Variants in PARN observed in about 807,000 individuals in gnomAD.
The protein encoded by PARN is poly(A)-specific ribonuclease, also known as poly(A)-specific ribonuclease PARN.
PARN carries 71 observed loss-of-function variants against 102.8 expected under a neutral mutation model. The ratio of observed to expected loss-of-function variants is 0.69; its 90% CI spans 0.57 to 0.84. The LOEUF (loss-of-function observed/expected upper bound fraction) is 0.84, where lower values mean the gene tolerates loss of function less well. PARN is among the 40% of genes least tolerant of loss of function. The probability of loss-of-function intolerance (pLI) is 0.00; values close to 1 mark genes in which losing one functional copy is unlikely to be tolerated. For missense variants in PARN, 782 were observed against 760.9 expected (o/e 1.03, Z -0.33); for synonymous variants, 261 against 252.9 (o/e 1.03, Z -0.30).
intron 21 of PARN, among the ~76,000 whole-genome samples, chr16:14,520,314 T>C (rs1007821949): frequency 1.3e-5 from 2 of 152,220 alleles, no homozygotes; most frequent in Non-Finnish European, 2.9e-5. Flanking sequence ...TGGAAAAAGA[T>C]AAACTCATGA....
At position 14,533,633 on chromosome 16, in the gene PARN, C is replaced by T. The variant is rs575135132; in HGVS notation, c.1480+18388G>A. On this transcript the variant is annotated intron_variant, in intron 21 of 23. Transcript: ENST00000437198. ...GATGTGCTGGTCCCACAATCCACCA[C>T]AGGTTTCTCAGCCTTCCTCTACTAG... 1.1e-4 allele frequency among the ~76,000 whole-genome samples: 16 copies of T among 152,196 alleles called. 1 individual carries two copies. Among genetic ancestry groups the T allele is most frequent in the Non-Finnish European group, 2.2e-4 (15 of 68,028 alleles).
At chr16:14,540,492 T>C (rs942352377) in intron 21 of PARN, among the ~76,000 whole-genome samples, 3 of 152,124 alleles carry the variant, frequency 2.0e-5, no homozygotes, top group African/African-American at 4.8e-5. Context: ...ATAATACATA[T>C]ATATATCTGA....
chr16:14,472,074 A>T (rs538658571), intron 22 of PARN, among the ~76,000 whole-genome samples: 1 of 152,322 alleles, frequency 6.6e-6, no homozygotes, highest in Middle Eastern at 3.4e-3. Context: ...AAGAGATGTC[A>T]AAGGAAGGAG....
At chr16:14,563,166 C>A (rs1968182341) in intron 18 of PARN, among the ~76,000 whole-genome samples, 1 of 152,172 alleles carries the variant, frequency 6.6e-6, no homozygotes, top group Non-Finnish European at 1.5e-5. Flanking sequence ...AATCTATCTA[C>A]AAAATCACAG....
chr16:14,551,276 T>C (rs1033501951), intron 21 of PARN, among the ~76,000 whole-genome samples: 5 of 151,770 alleles, frequency 3.3e-5, no homozygotes, highest in South Asian at 2.1e-4. Context: ...GTTTATTTGT[T>C]TGTAAAACAA....
chr16:14,483,956 C>T (rs1365602814), intron 21 of PARN, among the ~76,000 whole-genome samples: 3 of 152,206 alleles, frequency 2.0e-5, no homozygotes, highest in Non-Finnish European at 4.4e-5. Context: ...GCAGTGTACA[C>T]TGCACCCAGT....
chr16:14,533,462 AG>A (rs1391746188), intron 21 of PARN, among the ~76,000 whole-genome samples: 1 of 32,368 alleles, frequency 3.1e-5, no homozygotes, highest in African/African-American at 1.5e-4. Context: ...GGAGAGGGAG[AG>A]GGAGAGGGAG....
At chr16:14,523,577 ATCC>A (rs1238609766) in intron 21 of PARN, among the ~76,000 whole-genome samples, 1 of 152,208 alleles carries the variant, frequency 6.6e-6, no homozygotes, top group African/African-American at 2.4e-5. Flanking sequence ...AGAGAAGTCT[ATCC>A]TCCTGCTGAC....
chr16:14,564,596 G>T (rs72787688), intron 18 of PARN, among the ~76,000 whole-genome samples: 33,661 of 152,092 alleles, frequency 0.22, 4,161 homozygotes, highest in Middle Eastern at 0.32. Flanking sequence ...CAGAGGTGTA[G>T]GGACACAGAG....
At chr16:14,465,024 T>C (rs1224840350) in intron 22 of PARN, among the ~76,000 whole-genome samples, 1 of 152,178 alleles carries the variant, frequency 6.6e-6, no homozygotes, top group Non-Finnish European at 1.5e-5. Flanking sequence ...CACAAAGGAA[T>C]GAGGAAATAC....
intron 18 of PARN, among the ~76,000 whole-genome samples, chr16:14,579,437 G>C (rs568746847): frequency 1.3e-5 from 2 of 152,168 alleles, no homozygotes; most frequent in Admixed American, 1.3e-4. Context: ...TATTTACAGC[G>C]TGTAAATATT....
intron 13 of PARN, among the ~76,000 whole-genome samples, chr16:14,588,398 C>T (rs763340857): frequency 1.7e-4 from 26 of 152,154 alleles, no homozygotes; most frequent in Non-Finnish European, 3.1e-4. Context: ...GAATTTTCAG[C>T]AGGGTCAGTG....
At chr16:14,482,272 G>A (rs1039103736) in intron 22 of PARN, among the ~76,000 whole-genome samples, 4 of 152,082 alleles carry the variant, frequency 2.6e-5, no homozygotes, top group African/African-American at 9.7e-5. Flanking sequence ...GTGCGTACCT[G>A]TAGTGCCAGC....
At chr16:14,542,315 T>TTC (rs1966846588) in intron 21 of PARN, among the ~76,000 whole-genome samples, 1 of 151,800 alleles carries the variant, frequency 6.6e-6, no homozygotes, top group Non-Finnish European at 1.5e-5. Context: ...CTTTTTTTTT[T>TTC]TTCTTCTTTT....
chr16:14,622,766 A>G (rs1972396666), intron 5 of PARN, among the ~76,000 whole-genome samples: 2 of 152,174 alleles, frequency 1.3e-5, no homozygotes, highest in Admixed American at 6.5e-5. Flanking sequence ...TTGGCCTCCC[A>G]AAGTGCTGGG....
chr16:14,464,661 C>G (rs1962214420), intron 22 of PARN, among the ~76,000 whole-genome samples: 1 of 151,926 alleles, frequency 6.6e-6, no homozygotes, highest in Non-Finnish European at 1.5e-5. Flanking sequence ...GAGGCTGAGG[C>G]AAGGGAATTG....
intron 6 of PARN, among the ~76,000 whole-genome samples, chr16:14,613,078 G>A (rs982312429): frequency 6.6e-6 from 1 of 151,930 alleles, no homozygotes; most frequent in African/African-American, 2.4e-5. Context: ...GGGAGGCCAA[G>A]GCGGGCAGAT....
intron 21 of PARN, among the ~76,000 whole-genome samples, chr16:14,522,974 A>T (rs1312853719): frequency 6.6e-6 from 1 of 152,230 alleles, no homozygotes; most frequent in Non-Finnish European, 1.5e-5. Flanking sequence ...GCAAATTTAC[A>T]TATAGATGCT....
At chr16:14,452,226 C>T (rs1425473835) in intron 22 of PARN, among the ~76,000 whole-genome samples, 1 of 152,164 alleles carries the variant, frequency 6.6e-6, no homozygotes, top group African/African-American at 2.4e-5. Flanking sequence ...GCCAACAAGA[C>T]CCATGCATTT....
Sources: gnomAD v4.1 joint callset for allele counts (sites outside exome capture counted in the v4.1 genomes callset) on GRCh38, gnomAD v4.1.1 for gene constraint, MANE v1.5 for transcripts, NCBI Gene and HGNC (gene_info 2026-07-23, HGNC 2026-07-21) for gene names.